The following CCDC39 variants were observed in gnomAD, a reference collection of about 807,000 sequenced individuals.
The protein encoded by CCDC39 is coiled-coil domain-containing protein 39.
CCDC39 carries 113 observed loss-of-function variants against 121.0 expected under a neutral mutation model. The observed-to-expected ratio is 0.93, with a 90% CI of 0.80 to 1.09. The LOEUF is 1.09. CCDC39 is among the 50% of genes least tolerant of loss of function. The pLI, the probability that CCDC39 is intolerant of heterozygous loss-of-function variation, is 0.00. For missense variants in CCDC39, 1,063 were observed against 1,074.7 expected, an observed-to-expected ratio of 0.99 and a Z score of 0.15; for synonymous variants, 349 against 352.2, an observed-to-expected ratio of 0.99 and a Z score of 0.10.
chr3:180,676,727 A>C (rs1712218499), intron 1 of CCDC39, among the ~76,000 whole-genome samples: 1 of 152,198 alleles, frequency 6.6e-6, no homozygotes, highest in South Asian at 2.1e-4. Context: ...AACAGCAAAG[A>C]CTTGGAACCA....
intron 9 of CCDC39, among the ~76,000 whole-genome samples, chr3:180,650,431 C>A (rs1025430308): frequency 2.0e-5 from 3 of 152,108 alleles, no homozygotes; most frequent in Non-Finnish European, 4.4e-5. Flanking sequence ...ATGTAGAAAT[C>A]AGTTGTAAAA....
At chr3:180,639,260 A>G (rs898539854) in intron 13 of CCDC39, among the ~76,000 whole-genome samples, 8 of 152,182 alleles carry the variant, frequency 5.3e-5, no homozygotes, top group African/African-American at 1.7e-4. Flanking sequence ...TTCAGTATTC[A>G]TAAAGTTTTA....
rs369141426 is a variant in CCDC39, at chr3:180,648,152, A to G, written c.1362+13T>C. The G allele has an allele frequency of 2.5e-4, 391 of 1,593,040 alleles. No individual in the cohort carries two copies. Among genetic ancestry groups the G allele is most frequent in the Non-Finnish European group, 3.2e-4 (367 of 1,163,378 alleles). On this transcript the variant is annotated intron_variant, in intron 10 of 19. Coordinates refer to ENST00000476379, the MANE Select transcript of CCDC39 (RefSeq NM_181426.2). ...AAATCAATATGGAAGATATTCATAA[A>G]AGTAACATCTACCTGGCTGTACATA... is the stretch of plus-strand genomic sequence containing the variant.
At chr3:180,647,035 T>A in intron 11 of CCDC39, 44 bp downstream of exon 11, 1 of 1,568,714 alleles carries the variant, frequency 6.4e-7, no homozygotes, top group East Asian at 2.2e-5. Flanking sequence ...TAAAACAGAA[T>A]GACTAGGATA....
At chr3:180,671,017 G>C (rs1712029625) in intron 1 of CCDC39, among the ~76,000 whole-genome samples, 1 of 152,002 alleles carries the variant, frequency 6.6e-6, no homozygotes, top group African/African-American at 2.4e-5. Flanking sequence ...TTCAAGACCA[G>C]CCTGTCCCAC....
intron 13 of CCDC39, among the ~76,000 whole-genome samples, chr3:180,640,881 CAT>C (rs1291563329): frequency 6.6e-6 from 1 of 151,870 alleles, no homozygotes; most frequent in Non-Finnish European, 1.5e-5. Flanking sequence ...CTTTTAGAAA[CAT>C]ATTCAATGTA....
chr3:180,616,185 G>A, intron 19 of CCDC39, 96 bp downstream of exon 19: 1 of 974,796 alleles, frequency 1.0e-6, no homozygotes, highest in Admixed American at 1.9e-5. Context: ...TGAGTGCATG[G>A]GCCTGCCTAA....
At chr3:180,625,290 C>T (rs1717531194) in intron 14 of CCDC39, among the ~76,000 whole-genome samples, 1 of 148,012 alleles carries the variant, frequency 6.8e-6, no homozygotes, top group Non-Finnish European at 1.5e-5. Flanking sequence ...CTGAGATTCT[C>T]TCTGTTGCTT....
intron 14 of CCDC39, among the ~76,000 whole-genome samples, chr3:180,627,247 A>G (rs1364248279): frequency 2.0e-5 from 3 of 152,252 alleles, no homozygotes; most frequent in African/African-American, 7.2e-5. Flanking sequence ...ATATTTTGTG[A>G]TAAGTATTAC....
At position 180,660,593 on chromosome 3, in the gene CCDC39, G is replaced by A. The variant is rs1711717951; in HGVS notation, c.493C>T (p.Gln165Ter). 3 of 1,593,052 alleles carry A rather than the reference G, an allele frequency of 1.9e-6. No homozygotes were observed. The highest frequency in any genetic ancestry group is 2.6e-6 in the Non-Finnish European group (3 of 1,167,766). The change falls in exon 4 of 20, where the codon CAA becomes TAA. Residue 165 changes from glutamine to a stop codon, truncating the protein, a stop_gained. Transcript: ENST00000476379. LOFTEE classifies it high-confidence loss of function. ...SDALTLQKYA[Q>*]QDDNKIRALT... Reference sequence around the variant, plus strand: ...ACCCTGATTTTATTATCATCTTGTTGTGCATACTTCTGGAGAGTGAGAGCA... The same window carrying A: ...ACCCTGATTTTATTATCATCTTGTTATGCATACTTCTGGAGAGTGAGAGCA...
chr3:180,646,755 T>C (rs1326760294), intron 11 of CCDC39, among the ~76,000 whole-genome samples: 1 of 152,120 alleles, frequency 6.6e-6, no homozygotes, highest in African/African-American at 2.4e-5. Flanking sequence ...GGTCAAATCC[T>C]AGCTCTCTGT....
At position 180,625,226 on chromosome 3, in the gene CCDC39, C is replaced by CT. The variant is rs960513945; in HGVS notation, c.1999-5257dup. On this transcript the variant is annotated intron_variant, in intron 14 of 19. Coordinates refer to ENST00000476379, the MANE Select transcript of CCDC39 (RefSeq NM_181426.2). The stretch of plus-strand genomic sequence containing the variant: ...AAGGCCTTGTTCACTCTTTTTTATT[C>CT]TTTTTTTTTTAATTTGTCTGACTGG... Among the ~76,000 whole-genome samples, 193 of 145,768 alleles carry CT rather than the reference C, an allele frequency of 1.3e-3. 2 individuals carry two copies. The highest frequency in any genetic ancestry group is 4.3e-3 in the African/African-American group (170 of 39,748).
chr3:180,647,172 T>C lies in CCDC39; in HGVS notation c.1434A>G (p.Gln478=). The change falls in exon 11 of 20, where the codon CAA becomes CAG. Residue 478 remains glutamine (Q), a synonymous_variant. Transcript: ENST00000476379. The part of the protein sequence containing the change: ...LKGEINSEEK[Q]ALEAKIVELR... ...GTTCAACAATTTTTGCTTCAAGCGC[T>C]TGTTTTTCTTCTGAATTAATTTCTC... 1 of 1,612,226 alleles carries C rather than the reference T, an allele frequency of 6.2e-7. No individual in the cohort carries two copies. The highest frequency in any genetic ancestry group is 8.5e-7 in the Non-Finnish European group (1 of 1,179,130).
chr3:180,626,594 G>A (rs112019530), intron 14 of CCDC39, among the ~76,000 whole-genome samples: 1,613 of 152,228 alleles, frequency 0.011, 17 homozygotes, highest in Non-Finnish European at 0.018. Context: ...TCCTTGGATC[G>A]GAGACAGCTG....
In CCDC39 at chr3:180,660,605, G is replaced by A; in HGVS notation, c.481C>T (p.Gln161Ter). 1 of 1,599,550 alleles carries A rather than the reference G, an allele frequency of 6.3e-7. No individual in the cohort carries two copies. Among genetic ancestry groups the A allele is most frequent in the Admixed American group, 1.7e-5 (1 of 58,206 alleles). ...AHKDSDALTL[Q>*]KYAQQDDNKI... ...TTATCATCTTGTTGTGCATACTTCT[G>A]GAGAGTGAGAGCATCACTATCTTTA... Residue 161 changes from glutamine to a stop codon, truncating the protein, a stop_gained, in exon 4 of 20, where the codon CAG (glutamine) becomes TAG (stop). Transcript: ENST00000476379. LOFTEE classifies it high-confidence loss of function.
At chr3:180,641,332 C>T (rs555271151) in intron 13 of CCDC39, among the ~76,000 whole-genome samples, 1 of 152,056 alleles carries the variant, frequency 6.6e-6, no homozygotes, top group African/African-American at 2.4e-5. Context: ...ATATTTAATG[C>T]AAAAACAATG....
At chr3:180,653,890 T>A (rs910477556) in intron 7 of CCDC39, among the ~76,000 whole-genome samples, 4 of 152,158 alleles carry the variant, frequency 2.6e-5, no homozygotes, top group Non-Finnish European at 5.9e-5. Context: ...TAACACCTAA[T>A]ACAATGTAAA....
intron 6 of CCDC39, 55 bp from the exon 7 acceptor site, chr3:180,655,008 A>G: frequency 1.7e-6 from 2 of 1,155,372 alleles, no homozygotes; most frequent in Non-Finnish European, 2.3e-6. Flanking sequence ...GAGAAAACTA[A>G]AAGGAATTTA....
Position 180,614,914 on chromosome 3 carries a change from A to T in CCDC39, c.*7T>A, listed in dbSNP as rs780168478. 9 of 1,553,512 alleles carry T rather than the reference A, an allele frequency of 5.8e-6. No individual in the cohort carries two copies. The South Asian group carries it at 1.1e-4, about 19-fold the overall frequency. On this transcript the variant is annotated 3_prime_UTR_variant, in exon 20 of 20. Transcript: ENST00000476379. The stretch of plus-strand genomic sequence containing the variant: ...GTTTACAACTTTTTCAGAAGAGATT[A>T]AAATGTTTATTTGCTGCTCTTTTTG...
Sources: allele counts gnomAD v4.1 joint callset (sites outside exome capture counted in the v4.1 genomes callset), GRCh38; gene constraint gnomAD v4.1.1; transcripts MANE v1.5; gene names NCBI Gene and HGNC (gene_info 2026-07-23, HGNC 2026-07-21).